MTHFD1: variants seen among roughly 807,000 people sequenced by gnomAD.
The protein encoded by MTHFD1 is methylenetetrahydrofolate dehydrogenase, cyclohydrolase and formyltetrahydrofolate synthetase 1, also known as C-1-tetrahydrofolate synthase, cytoplasmic.
In MTHFD1, 44 loss-of-function variants were observed where a neutral mutation model predicts 110.3. The ratio of observed to expected loss-of-function variants is 0.40; its 90% confidence interval spans 0.31 to 0.51. MTHFD1 has a LOEUF of 0.51. Ranked by LOEUF, MTHFD1 falls within the 20% of genes least tolerant of loss-of-function variation. The probability of loss-of-function intolerance (pLI) is 0.60; values close to 1 mark genes in which losing one functional copy is unlikely to be tolerated. For synonymous variants in MTHFD1, 402 were observed against 428.8 expected, an observed-to-expected ratio of 0.94 and a Z score of 0.77; for missense variants, 909 against 1,173.1, an observed-to-expected ratio of 0.77 and a Z score of 3.29.
intron 16 of MTHFD1, 28 bp from the exon 17 acceptor site, chr14:64,439,068 C>A: frequency 6.4e-7 from 1 of 1,565,584 alleles, no homozygotes; most frequent in Non-Finnish European, 8.8e-7. Context: ...TACTCAAAAT[C>A]GTTCTATATC....
intron 1 of MTHFD1, among the ~76,000 whole-genome samples, chr14:64,390,903 C>G (rs866172623): frequency 6.6e-6 from 1 of 152,150 alleles, no homozygotes; most frequent in Non-Finnish European, 1.5e-5. Flanking sequence ...CCCACCTCGG[C>G]CTCCCAAAGT....
intron 13 of MTHFD1, among the ~76,000 whole-genome samples, chr14:64,431,254 T>C (rs907454585): frequency 5.1e-4 from 78 of 151,780 alleles, no homozygotes; most frequent in African/African-American, 1.8e-3. Flanking sequence ...TTAGTAGAGA[T>C]GGGGTTTCGC....
intron 13 of MTHFD1, among the ~76,000 whole-genome samples, chr14:64,430,452 C>G (rs1342980831): frequency 1.3e-5 from 2 of 152,152 alleles, no homozygotes; most frequent in Admixed American, 1.3e-4. Context: ...GCATGCACCA[C>G]CACGCTCAGC....
At chr14:64,446,396 A>G (rs2078289329) in intron 22 of MTHFD1, among the ~76,000 whole-genome samples, 1 of 152,196 alleles carries the variant, frequency 6.6e-6, no homozygotes, top group Non-Finnish European at 1.5e-5. Context: ...TGTATATGTC[A>G]TAATTCATTG....
At chr14:64,392,354 CT>C (rs2077813389) in intron 1 of MTHFD1, among the ~76,000 whole-genome samples, 1 of 152,156 alleles carries the variant, frequency 6.6e-6, no homozygotes, top group African/African-American at 2.4e-5. Context: ...GAAGACCCAC[CT>C]TGCTTTGTAG....
chr14:64,407,062 C>T (rs891420937), intron 2 of MTHFD1, among the ~76,000 whole-genome samples: 3 of 151,974 alleles, frequency 2.0e-5, no homozygotes, highest in Non-Finnish European at 4.4e-5. Flanking sequence ...TGATCTGGCC[C>T]AAGTATATAT....
chr14:64,439,600 T>A (rs943023573), intron 17 of MTHFD1, among the ~76,000 whole-genome samples: 6 of 152,278 alleles, frequency 3.9e-5, no homozygotes, highest in Admixed American at 6.5e-5. Context: ...ACATTTATTT[T>A]AAAAAACTGA....
rs946442597 is a variant in MTHFD1, at chr14:64,423,543, G to A, written c.728-1261G>A. 2.6e-5 allele frequency among the ~76,000 whole-genome samples: 4 copies of A among 151,476 alleles called. No homozygotes were observed. The East Asian group carries it at 5.8e-4, about 22-fold the overall frequency. On this transcript the variant is annotated intron_variant, in intron 8 of 27. Coordinates refer to ENST00000652337, the MANE Select transcript of MTHFD1 (RefSeq NM_005956.4). ...TGAGCAGCTGGGATTACAGGTGCCC[G>A]CTACCAAGCCCAGCTGATTTTTTAA... is the stretch of plus-strand genomic sequence containing the variant.
chr14:64,458,458 G>C (rs1463925550), intron 27 of MTHFD1, 151 bp downstream of exon 27: 2 of 699,532 alleles, frequency 2.9e-6, no homozygotes, highest in Non-Finnish European at 5.2e-6. Flanking sequence ...GGATAGTAAT[G>C]AGAGTTGGCA....
At chr14:64,454,314 T>C (rs1243085261) in intron 25 of MTHFD1, among the ~76,000 whole-genome samples, 4 of 152,248 alleles carry the variant, frequency 2.6e-5, no homozygotes, top group Non-Finnish European at 4.4e-5. Context: ...GGTTTTGCCC[T>C]GTTGCCCAGG....
intron 14 of MTHFD1, 61 bp downstream of exon 14, chr14:64,431,700 A>G (rs555544740): frequency 1.4e-5 from 22 of 1,596,984 alleles, no homozygotes; most frequent in African/African-American, 1.2e-4. Context: ...AACCATCTGA[A>G]TTAGTGTTGG....
rs769272465 is a variant in MTHFD1 at position 64,424,895 on chromosome 14, C to T, written c.819C>T (p.Gly273=). 14 of 1,614,138 alleles carry T rather than the reference C, an allele frequency of 8.7e-6. No homozygotes were observed. The highest frequency in any genetic ancestry group is 2.2e-5 in the South Asian group (2 of 91,076). ...ERASFITPVP[G]GVGPMTVAML... ...CGAGCTTCATCACTCCTGTTCCTGG[C>T]GGCGTAGGGCCCATGACAGTTGCAA... Residue 273 remains glycine (G), a synonymous_variant, in exon 9 of 28, where the codon GGC becomes GGT. Coordinates refer to ENST00000652337, the MANE Select transcript of MTHFD1 (RefSeq NM_005956.4).
At chr14:64,432,934 TA>T (rs1402630945) in intron 15 of MTHFD1, among the ~76,000 whole-genome samples, 1 of 152,250 alleles carries the variant, frequency 6.6e-6, no homozygotes, top group African/African-American at 2.4e-5. Flanking sequence ...TTTTTTATTT[TA>T]TTTTTTTGTA....
chr14:64,415,520 C>G, intron 5 of MTHFD1, 26 bp downstream of exon 5: 1 of 1,613,922 alleles, frequency 6.2e-7, no homozygotes, highest in Non-Finnish European at 8.5e-7. Flanking sequence ...CTTCCTATGT[C>G]TCATTGCATG....
intron 8 of MTHFD1, among the ~76,000 whole-genome samples, chr14:64,424,044 C>T (rs1479748144): frequency 2.6e-5 from 4 of 152,166 alleles, no homozygotes; most frequent in African/African-American, 9.7e-5. Flanking sequence ...AGCTTCTTCT[C>T]AGTTGTGGCG....
intron 22 of MTHFD1, among the ~76,000 whole-genome samples, chr14:64,446,910 C>A (rs550142314): frequency 6.6e-6 from 1 of 152,112 alleles, no homozygotes; most frequent in Admixed American, 6.6e-5. Flanking sequence ...GAGGCGTGAT[C>A]ATAGCTGCAG....
Position 64,453,878 on chromosome 14 carries a change from T to A in MTHFD1, c.2565+17T>A. 6.6e-7 allele frequency: 1 copy of A among 1,517,232 alleles called. No homozygotes were observed. Among genetic ancestry groups the A allele is most frequent in the Non-Finnish European group, 9.2e-7 (1 of 1,092,590 alleles). 94.0% of individuals were successfully genotyped at this position (1,517,232 alleles called of 1,614,324 possible). On this transcript the variant is annotated intron_variant, in intron 25 of 27. Coordinates refer to ENST00000652337, the MANE Select transcript of MTHFD1 (RefSeq NM_005956.4). ...ACGAAGCAGGTAGATGTTTGGTTAG[T>A]TTGTCCTTTCAACTCTTTGCAAAGC...
chr14:64,451,210 C>T (rs2078366502), intron 24 of MTHFD1, among the ~76,000 whole-genome samples: 1 of 152,048 alleles, frequency 6.6e-6, no homozygotes, highest in Admixed American at 6.6e-5. Context: ...CTTGTAGTGA[C>T]TGGGTCTCCC....
chr14:64,458,727 T>C, intron 27 of MTHFD1: 1 of 244,964 alleles, frequency 4.1e-6, no homozygotes, highest in Non-Finnish European at 8.1e-6. Context: ...GCAAATGTCT[T>C]AGGAAGTATA....
Sources: gnomAD v4.1 joint callset for allele counts (sites outside exome capture counted in the v4.1 genomes callset) on GRCh38, gnomAD v4.1.1 for gene constraint, MANE v1.5 for transcripts, NCBI Gene and HGNC (gene_info 2026-07-23, HGNC 2026-07-21) for gene names.